SNTG2: variants seen among roughly 807,000 people sequenced by gnomAD.
SNTG2 encodes the protein gamma-2-syntrophin.
In SNTG2, 74 loss-of-function variants were observed where a neutral mutation model predicts 70.9. The ratio of observed to expected loss-of-function variants is 1.04; its 90% CI spans 0.86 to 1.27. SNTG2 has a LOEUF of 1.27. SNTG2 is among the 50% of genes most tolerant of loss of function. SNTG2 has a pLI of 0.00. For synonymous variants in SNTG2, 278 were observed against 273.8 expected, an observed-to-expected ratio of 1.02 and a Z score of -0.15; for missense variants, 717 against 690.7, an observed-to-expected ratio of 1.04 and a Z score of -0.43.
At chr2:1,137,226 A>G (rs1668445151) in intron 4 of SNTG2, among the ~76,000 whole-genome samples, 1 of 151,240 alleles carries the variant, frequency 6.6e-6, no homozygotes, top group Non-Finnish European at 1.5e-5. Flanking sequence ...CACACACATC[A>G]ACAGATTCAC....
intron 15 of SNTG2, among the ~76,000 whole-genome samples, chr2:1,310,494 A>C (rs1460545988): frequency 6.6e-6 from 1 of 152,160 alleles, no homozygotes; most frequent in Non-Finnish European, 1.5e-5. Flanking sequence ...CATTCAGCCA[A>C]GCCCTGAGCC....
chr2:1,180,782 G>A (rs1475267503), intron 8 of SNTG2, among the ~76,000 whole-genome samples: 1 of 151,712 alleles, frequency 6.6e-6, no homozygotes. Context: ...TGTTTATTGT[G>A]GCACTATTCA....
intron 16 of SNTG2, among the ~76,000 whole-genome samples, chr2:1,329,752 A>G (rs1659423045): frequency 6.6e-6 from 1 of 152,156 alleles, no homozygotes; most frequent in African/African-American, 2.4e-5. Context: ...TGCTGTACGC[A>G]TCGTGTGGGG....
rs1189830490 is a variant in SNTG2, at chr2:1,316,278, G to A, written c.1391G>A (p.Arg464Lys). 6.5e-7 allele frequency: 1 copy of A among 1,535,072 alleles called. No homozygotes were observed. Among genetic ancestry groups the A allele is most frequent in the Non-Finnish European group, 8.8e-7 (1 of 1,133,254 alleles). Reference protein sequence around the residue: ...FESKTKNVLWRFKFSQLKGSS... With the variant: ...FESKTKNVLWKFKFSQLKGSS... The stretch of plus-strand genomic sequence containing the variant: ...ATTCCTTTACAGAATGTGCTCTGGA[G>A]ATTTAAATTTTCCCAGCTTAAGGGA... Residue 464 changes from arginine to lysine, a missense_variant, in exon 16 of 17, where the codon AGA (arginine) becomes AAA (lysine). Arg to Lys is a conservative substitution (Grantham distance 26, BLOSUM62 2). Coordinates refer to ENST00000308624, the MANE Select transcript of SNTG2 (RefSeq NM_018968.4).
intron 1 of SNTG2, among the ~76,000 whole-genome samples, chr2:1,026,291 C>T (rs1660476296): frequency 6.6e-6 from 1 of 152,194 alleles, no homozygotes; most frequent in Non-Finnish European, 1.5e-5. Flanking sequence ...ATTGGCGTTC[C>T]TCTTCAGCAC....
chr2:1,020,282 C>T (rs535890671), intron 1 of SNTG2, among the ~76,000 whole-genome samples: 1 of 152,338 alleles, frequency 6.6e-6, no homozygotes, highest in East Asian at 1.9e-4. Flanking sequence ...AGGGCCACTT[C>T]CTAAGGGCCC....
intron 11 of SNTG2, among the ~76,000 whole-genome samples, chr2:1,243,754 C>T (rs28450822): frequency 0.011 from 1,635 of 152,282 alleles, 24 homozygotes; most frequent in African/African-American, 0.036. Context: ...CAAGGAAACT[C>T]GACAGTATGT....
intron 8 of SNTG2, among the ~76,000 whole-genome samples, chr2:1,188,307 T>C (rs764561266): frequency 7.3e-5 from 11 of 150,576 alleles, no homozygotes; most frequent in Non-Finnish European, 1.6e-4. Context: ...AACCTGAAAA[T>C]AGAAAATAAA....
chr2:1,048,947 C>A (rs2148073979), intron 1 of SNTG2, among the ~76,000 whole-genome samples: 1 of 152,258 alleles, frequency 6.6e-6, no homozygotes, highest in Admixed American at 6.5e-5. Flanking sequence ...TTCTATTTGT[C>A]ATCAGTCATT....
At chr2:1,273,179 T>C (rs1348468866) in intron 14 of SNTG2, among the ~76,000 whole-genome samples, 2 of 152,104 alleles carry the variant, frequency 1.3e-5, no homozygotes, top group Non-Finnish European at 2.9e-5. Flanking sequence ...ACAGCTCCCT[T>C]GGTAGGAGCA....
At position 1,149,940 on chromosome 2, in the gene SNTG2, G is replaced by C. The variant is rs547351984; in HGVS notation, c.411+12131G>C. Among the ~76,000 whole-genome samples the C allele has an allele frequency of 5.3e-5, 8 of 152,060 alleles. No individual in the cohort carries two copies. In the South Asian group the frequency reaches 1.5e-3, roughly 28 times the overall value. ...CCTGACCTTGTGATCCACCCGCCTC[G>C]GCCTCCCAAAGTGCTGGAATTACAG... On this transcript the variant is annotated intron_variant, in intron 6 of 16. Transcript: ENST00000308624.
chr2:984,259 CTTTT>C lies in SNTG2; in HGVS notation c.72+33205_72+33208del, dbSNP rs35096466. Reference sequence around the variant, plus strand: ...CCACTTTTACCCAAAAGAAACAAAGCTTTTTTTTTTTTTTTTTAATAGCACACTT... The same window carrying C: ...CCACTTTTACCCAAAAGAAACAAAGCTTTTTTTTTTTTTAATAGCACACTT... On this transcript the variant is annotated intron_variant, in intron 1 of 16. Transcript: ENST00000308624. Among the ~76,000 whole-genome samples, 670 of 140,298 alleles carry C rather than the reference CTTTT, an allele frequency of 4.8e-3. 9 individuals are homozygous for C. The highest frequency in any genetic ancestry group is 2.5e-3 in the Non-Finnish European group (158 of 64,176). 92.0% of individuals were successfully genotyped at this position (140,298 alleles called of 152,430 possible). A position where few individuals can be genotyped will look rare whatever the true frequency, so the allele number is the denominator to read the frequency against.
intron 1 of SNTG2, among the ~76,000 whole-genome samples, chr2:1,066,456 G>A (rs535479667): frequency 3.3e-5 from 5 of 151,822 alleles, no homozygotes; most frequent in Non-Finnish European, 7.4e-5. Context: ...GACTTGCTGG[G>A]CACACTTCTC....
At position 1,032,234 on chromosome 2, in the gene SNTG2, A is replaced by G. The variant is rs183706177; in HGVS notation, c.73-51284A>G. On this transcript the variant is annotated intron_variant, in intron 1 of 16. Coordinates refer to ENST00000308624, the MANE Select transcript of SNTG2 (RefSeq NM_018968.4). ...ACGGCGCCTCATGATTGATATGACC[A>G]AGAACTTCTTAAGCAAAACCGCAAA... is the stretch of plus-strand genomic sequence containing the variant. Among the ~76,000 whole-genome samples the G allele has an allele frequency of 8.6e-4, 131 of 152,270 alleles. 1 individual carries two copies. The highest frequency in any genetic ancestry group is 1.4e-3 in the Non-Finnish European group (98 of 68,012).
intron 13 of SNTG2, among the ~76,000 whole-genome samples, chr2:1,260,447 A>T (rs1678356578): frequency 6.6e-6 from 1 of 152,160 alleles, no homozygotes; most frequent in Non-Finnish European, 1.5e-5. Context: ...GAATATGGTA[A>T]TGAAGGAGAT....
chr2:1,231,479 G>A (rs1010043198), intron 9 of SNTG2, among the ~76,000 whole-genome samples: 4 of 152,332 alleles, frequency 2.6e-5, no homozygotes, highest in Non-Finnish European at 4.4e-5. Flanking sequence ...ATAATCAGGT[G>A]ACATGCCCCG....
At chr2:1,116,465 G>C (rs1666972522) in intron 4 of SNTG2, among the ~76,000 whole-genome samples, 1 of 151,396 alleles carries the variant, frequency 6.6e-6, no homozygotes, top group Non-Finnish European at 1.5e-5. Flanking sequence ...TGGGTGCTCT[G>C]GTGTGTGGGT....
At chr2:1,103,103 A>G (rs1342910304) in intron 4 of SNTG2, among the ~76,000 whole-genome samples, 6 of 152,172 alleles carry the variant, frequency 3.9e-5, no homozygotes, top group Non-Finnish European at 1.5e-5. Flanking sequence ...TCACAGGTCC[A>G]CGTCATGGGT....
intron 1 of SNTG2, among the ~76,000 whole-genome samples, chr2:1,027,144 C>T (rs1030323880): frequency 2.0e-5 from 3 of 152,190 alleles, no homozygotes; most frequent in Non-Finnish European, 4.4e-5. Context: ...TACATCTGCT[C>T]ACTGCCTGCA....
Sources: allele counts gnomAD v4.1 joint callset (sites outside exome capture counted in the v4.1 genomes callset), GRCh38; gene constraint gnomAD v4.1.1; transcripts MANE v1.5; gene names NCBI Gene and HGNC (gene_info 2026-07-23, HGNC 2026-07-21).